RAP1A: variants seen among roughly 807,000 people sequenced by gnomAD.
RAP1A encodes the protein ras-related protein Rap-1A.
Under a neutral mutation model 26.4 loss-of-function variants are expected in RAP1A, and 6 were observed. The ratio of observed to expected loss-of-function variants is 0.23; its 90% confidence interval spans 0.12 to 0.45. RAP1A has a LOEUF of 0.45. RAP1A is among the 20% of genes least tolerant of loss of function. RAP1A has a pLI of 0.99. For missense variants in RAP1A, 121 were observed against 217.2 expected (o/e 0.56, Z 2.78); for synonymous variants, 73 against 79.4 (o/e 0.92, Z 0.43).
chr1:111,556,509 T>C (rs1195763482), intron 1 of RAP1A, among the ~76,000 whole-genome samples: 6 of 152,162 alleles, frequency 3.9e-5, no homozygotes, highest in African/African-American at 9.7e-5. Context: ...CAAATGTGTA[T>C]AGATGGATGA....
chr1:111,630,769 A>G (rs1202635291), intron 1 of RAP1A, among the ~76,000 whole-genome samples: 2 of 152,214 alleles, frequency 1.3e-5, no homozygotes, highest in African/African-American at 4.8e-5. Context: ...GAGGAAGAAC[A>G]AAAAGACCCT....
chr1:111,598,097 C>T (rs1490613899), intron 1 of RAP1A, among the ~76,000 whole-genome samples: 1 of 152,106 alleles, frequency 6.6e-6, no homozygotes, highest in East Asian at 1.9e-4. Flanking sequence ...CTCACAGTGG[C>T]CATACAACTT....
In RAP1A at chr1:111,714,137, T is replaced by G. The variant is rs541803707; in HGVS notation, c.*1736T>G. 4 of 152,260 alleles carry G rather than the reference T, an allele frequency of 2.6e-5. No homozygotes were observed. The South Asian group carries it at 8.3e-4, about 32-fold the overall frequency. The allele number at this position is 152,260 out of a possible 1,614,324, so 9.4% of individuals were successfully genotyped here. On this transcript the variant is annotated 3_prime_UTR_variant, in exon 8 of 8. Transcript: ENST00000369709. The stretch of plus-strand genomic sequence containing the variant: ...GTATTGTTTTTAAAAAAATGGAAAT[T>G]TTTTTTGTTTGTGTTTTTGTTTTAG...
In RAP1A at chr1:111,703,108, A is replaced by G. The variant is rs184369938; in HGVS notation, c.184-228A>G. On this transcript the variant is annotated intron_variant, in intron 4 of 7. Coordinates refer to ENST00000369709, the MANE Select transcript of RAP1A (RefSeq NM_002884.4). ...TTTCTAAAAAATTATATACAGCTCT[A>G]AATCACACAAAAGCAAATTAAAGTG... Among the ~76,000 whole-genome samples, 3 of 152,302 alleles carry G rather than the reference A, an allele frequency of 2.0e-5. No individual in the cohort carries two copies. The East Asian group carries it at 5.8e-4, about 29-fold the overall frequency.
intron 1 of RAP1A, among the ~76,000 whole-genome samples, chr1:111,597,023 C>T (rs1030878601): frequency 6.6e-6 from 1 of 152,148 alleles, no homozygotes; most frequent in African/African-American, 2.4e-5. Context: ...TTAAGGATGG[C>T]TCATGGTCAA....
chr1:111,633,455 G>A (rs1384934493), intron 1 of RAP1A, among the ~76,000 whole-genome samples: 2 of 152,182 alleles, frequency 1.3e-5, no homozygotes, highest in South Asian at 2.1e-4. Flanking sequence ...AAAACCATAG[G>A]CAAGTGATTT....
chr1:111,709,884 ATTC>A (rs138197795), intron 7 of RAP1A, among the ~76,000 whole-genome samples: 8,984 of 152,190 alleles, frequency 0.059, 607 homozygotes, highest in African/African-American at 0.16. Context: ...ATGTTTATGT[ATTC>A]TTCTGTTGGT....
At position 111,557,224 on chromosome 1, in the gene RAP1A, T is replaced by C. The variant is rs1657530701; in HGVS notation, c.-28+14715T>C. ...TTCTTCAAAAGACTGAAATGAAAAA[T>C]AAGTTTACCTAAAAATGTATATATT... On this transcript the variant is annotated intron_variant, in intron 1 of 7. Coordinates refer to the RAP1A transcript ENST00000356415. Among the ~76,000 whole-genome samples the C allele has an allele frequency of 2.0e-5, 3 of 151,944 alleles. No individual in the cohort carries two copies. The South Asian group carries it at 6.2e-4, about 31-fold the overall frequency.
At chr1:111,551,148 T>C (rs1239908872) in intron 1 of RAP1A, among the ~76,000 whole-genome samples, 1 of 152,224 alleles carries the variant, frequency 6.6e-6, no homozygotes, top group Non-Finnish European at 1.5e-5. Flanking sequence ...GGGAGACTTT[T>C]ACAAACAGCA....
chr1:111,575,924 T>A lies in RAP1A; in HGVS notation c.-28+33415T>A, dbSNP rs143046156. ...AAATATTTCTAATACTAAAAATATC[T>A]GAGCAGGGCACTGAAAAATATATAA... On this transcript the variant is annotated intron_variant, in intron 1 of 7. Coordinates refer to the RAP1A transcript ENST00000356415. Among the ~76,000 whole-genome samples, 559 of 152,326 alleles carry A rather than the reference T, an allele frequency of 3.7e-3. 1 individual carries two copies. The highest frequency in any genetic ancestry group is 0.013 in the African/African-American group (523 of 41,576).
At chr1:111,635,266 G>A (rs1425734300) in intron 1 of RAP1A, among the ~76,000 whole-genome samples, 1 of 152,168 alleles carries the variant, frequency 6.6e-6, no homozygotes, top group Non-Finnish European at 1.5e-5. Context: ...TACGTCATAT[G>A]CTGTTTTATG....
At chr1:111,544,219 A>G (rs1366260999) in intron 1 of RAP1A, among the ~76,000 whole-genome samples, 2 of 152,206 alleles carry the variant, frequency 1.3e-5, no homozygotes, top group Non-Finnish European at 2.9e-5. Flanking sequence ...TCCCTTGTTT[A>G]AAAAGTTGAG....
At chr1:111,548,741 T>C (rs1217335796) in intron 1 of RAP1A, among the ~76,000 whole-genome samples, 3 of 152,234 alleles carry the variant, frequency 2.0e-5, no homozygotes, top group Non-Finnish European at 4.4e-5. Context: ...AAATGAGTTA[T>C]CCATTGCTGA....
At chr1:111,589,555 T>A (rs1658432809) in intron 1 of RAP1A, among the ~76,000 whole-genome samples, 2 of 152,138 alleles carry the variant, frequency 1.3e-5, no homozygotes, top group African/African-American at 4.8e-5. Flanking sequence ...ATGTGTTATT[T>A]CCTCTATATG....
At chr1:111,673,768 G>T (rs527851941) in intron 1 of RAP1A, among the ~76,000 whole-genome samples, 2 of 152,318 alleles carry the variant, frequency 1.3e-5, no homozygotes, top group South Asian at 4.1e-4. Flanking sequence ...TAATGAGTTA[G>T]AACTAATTCC....
intron 1 of RAP1A, among the ~76,000 whole-genome samples, chr1:111,679,631 C>A (rs1246377250): frequency 6.6e-6 from 1 of 152,156 alleles, no homozygotes; most frequent in Non-Finnish European, 1.5e-5. Context: ...GGTCCCAACC[C>A]CATGGAGTCC....
intron 1 of RAP1A, among the ~76,000 whole-genome samples, chr1:111,622,113 T>G (rs1026434249): frequency 5.3e-5 from 8 of 152,162 alleles, no homozygotes; most frequent in African/African-American, 1.9e-4. Context: ...CTGAAAAAGG[T>G]TAGAAGTGAA....
rs56156855 is a variant in RAP1A at position 111,577,401 on chromosome 1, C to CAAAAAAAA, written c.-28+34912_-28+34919dup. ...TGGGCAACAGAGCAAGACTCCATCG[C>CAAAAAAAA]AAAAAAAAAAAAAAAAAAAAAAAAA... On this transcript the variant is annotated intron_variant, in intron 1 of 7. Coordinates refer to the RAP1A transcript ENST00000356415. Among the ~76,000 whole-genome samples the CAAAAAAAA allele has an allele frequency of 1.0e-3, 30 of 29,058 alleles. 1 individual carries two copies. The highest frequency in any genetic ancestry group is 1.4e-3 in the East Asian group (1 of 694). 19.1% of individuals were successfully genotyped at this position (29,058 alleles called of 152,430 possible).
At chr1:111,657,140 A>C (rs538145469) in intron 1 of RAP1A, among the ~76,000 whole-genome samples, 1 of 152,198 alleles carries the variant, frequency 6.6e-6, no homozygotes, top group Admixed American at 6.5e-5. Flanking sequence ...GAACACATCA[A>C]GGTTGAGCGT....
Sources: allele counts gnomAD v4.1 joint callset (sites outside exome capture counted in the v4.1 genomes callset), GRCh38; gene constraint gnomAD v4.1.1; transcripts MANE v1.5; gene names NCBI Gene and HGNC (gene_info 2026-07-23, HGNC 2026-07-21).